The following ELOVL5 variants were observed in gnomAD, a reference collection of about 807,000 sequenced individuals.
The protein encoded by ELOVL5 is very long chain fatty acid elongase 5.
In ELOVL5, 8 loss-of-function variants were observed where a neutral mutation model predicts 38.6. The ratio of observed to expected loss-of-function variants is 0.21; its 90% confidence interval spans 0.12 to 0.37. The LOEUF is 0.37. ELOVL5 is among the 10% of genes least tolerant of loss of function. The pLI is 1.00. For missense variants in ELOVL5, 280 were observed against 367.8 expected (o/e 0.76, Z 1.95); for synonymous variants, 127 against 133.7 (o/e 0.95, Z 0.34).
intron 1 of ELOVL5, among the ~76,000 whole-genome samples, chr6:53,343,274 G>A (rs1249420155): frequency 6.6e-6 from 1 of 150,976 alleles, no homozygotes; most frequent in Non-Finnish European, 1.5e-5. Flanking sequence ...GTGCAGTGGT[G>A]TAATCACGGC....
chr6:53,314,839 T>G (rs1017253640), intron 1 of ELOVL5, among the ~76,000 whole-genome samples: 11 of 152,200 alleles, frequency 7.2e-5, no homozygotes, highest in Admixed American at 6.5e-4. Context: ...GTACATAATA[T>G]CCTACTTTGA....
chr6:53,301,848 A>G (rs1767266420), intron 1 of ELOVL5, among the ~76,000 whole-genome samples: 1 of 152,184 alleles, frequency 6.6e-6, no homozygotes, highest in Non-Finnish European at 1.5e-5. Context: ...ACTATATTAT[A>G]ATTGTGTCTC....
chr6:53,287,327 T>G (rs531016572), intron 3 of ELOVL5, among the ~76,000 whole-genome samples: 5 of 152,188 alleles, frequency 3.3e-5, no homozygotes, highest in Non-Finnish European at 7.4e-5. Context: ...AAAATGTGGT[T>G]CCGACATTTG....
intron 1 of ELOVL5, among the ~76,000 whole-genome samples, chr6:53,318,279 C>T (rs765056725): frequency 1.3e-5 from 2 of 152,146 alleles, no homozygotes; most frequent in African/African-American, 2.4e-5. Context: ...GCTGAATCCA[C>T]GTTAACCCTT....
At chr6:53,280,577 A>G (rs1409076948) in intron 3 of ELOVL5, among the ~76,000 whole-genome samples, 1 of 152,152 alleles carries the variant, frequency 6.6e-6, no homozygotes, top group Admixed American at 6.5e-5. Flanking sequence ...CTGGTTCTGG[A>G]TGACATAATT....
chr6:53,323,352 C>T (rs543463630), intron 1 of ELOVL5, among the ~76,000 whole-genome samples: 3 of 152,234 alleles, frequency 2.0e-5, no homozygotes, highest in South Asian at 2.1e-4. Context: ...TTATGTGACA[C>T]TTAATTTGGT....
In ELOVL5 at chr6:53,276,269, A is replaced by C. The variant is rs1356840141; in HGVS notation, c.247-13T>G. The stretch of plus-strand genomic sequence containing the variant: ...CTCCTGTTACTAACTAAAAAAGAAG[A>C]AAGAGCCAGTCACCAACAGCATCTG... On this transcript the variant is annotated splice_polypyrimidine_tract_variant and intron_variant, in intron 3 of 7. Transcript: ENST00000304434. 6.3e-7 allele frequency: 1 copy of C among 1,575,492 alleles called. No individual in the cohort carries two copies.
intron 1 of ELOVL5, among the ~76,000 whole-genome samples, chr6:53,343,249 G>C (rs1228882295): frequency 1.3e-5 from 2 of 148,248 alleles, no homozygotes; most frequent in African/African-American, 2.5e-5. Flanking sequence ...GTCTGGCTCT[G>C]TCACCCAGGC....
intron 2 of ELOVL5, 24 bp from the exon 3 acceptor site, chr6:53,291,987 G>C: frequency 7.2e-7 from 1 of 1,396,006 alleles, no homozygotes. Context: ...AAAAATTAAT[G>C]ATATATAAAA....
intron 1 of ELOVL5, among the ~76,000 whole-genome samples, chr6:53,315,852 A>C (rs1437412724): frequency 6.6e-6 from 1 of 152,234 alleles, no homozygotes; most frequent in African/African-American, 2.4e-5. Flanking sequence ...ATGAAGTGGC[A>C]GCAATAGGAC....
At chr6:53,348,643 C>T (rs9382201) in intron 1 of ELOVL5, among the ~76,000 whole-genome samples, 174 bp downstream of exon 1, 55,506 of 152,126 alleles carry the variant, frequency 0.36, 11,286 homozygotes, top group African/African-American at 0.56. Flanking sequence ...TACCCCGGAG[C>T]CGGCGGAGCT....
intron 1 of ELOVL5, among the ~76,000 whole-genome samples, chr6:53,301,158 A>G (rs144928171): frequency 9.8e-5 from 15 of 152,286 alleles, no homozygotes; most frequent in African/African-American, 3.6e-4. Context: ...TGGGAACGGC[A>G]TGACCTACTT....
chr6:53,270,200 A>G (rs2073040), intron 7 of ELOVL5, among the ~76,000 whole-genome samples: 67,731 of 152,162 alleles, frequency 0.45, 16,460 homozygotes, highest in African/African-American at 0.65. Flanking sequence ...ACAAAAAAGC[A>G]GATCTCCATA....
intron 6 of ELOVL5, among the ~76,000 whole-genome samples, chr6:53,272,851 T>C (rs959237977): frequency 1.3e-5 from 2 of 152,178 alleles, no homozygotes; most frequent in East Asian, 3.9e-4. Flanking sequence ...TCCAGCTCCT[T>C]CTAAAACCCC....
chr6:53,297,301 T>G (rs1561873332), intron 1 of ELOVL5, among the ~76,000 whole-genome samples: 1 of 152,226 alleles, frequency 6.6e-6, no homozygotes, highest in East Asian at 1.9e-4. Flanking sequence ...AGTCCCCTCT[T>G]AATCCACAGT....
chr6:53,320,608 C>A lies in ELOVL5; in HGVS notation c.-8-24901G>T, dbSNP rs866485738. ...AAAGTGCTGGGATTACAGGCGTGAG[C>A]CACCACACCCGGCCAAAACCCCACA... On this transcript the variant is annotated intron_variant, in intron 1 of 7. Transcript: ENST00000304434. 2.2e-4 allele frequency among the ~76,000 whole-genome samples: 33 copies of A among 151,990 alleles called. 1 individual carries two copies. The highest frequency in any genetic ancestry group is 6.0e-4 in the African/African-American group (25 of 41,412).
intron 4 of ELOVL5, 144 bp from the exon 5 acceptor site, chr6:53,275,405 G>T: frequency 1.3e-6 from 1 of 745,902 alleles, no homozygotes; most frequent in Non-Finnish European, 2.2e-6. Flanking sequence ...GTCCATCAGT[G>T]GCTGGGAGCT....
In ELOVL5 at chr6:53,269,077, T is replaced by A. The variant is rs756575743; in HGVS notation, c.*50A>T. 3 of 1,600,264 alleles carry A rather than the reference T, an allele frequency of 1.9e-6. No individual in the cohort carries two copies. In the South Asian group the frequency reaches 3.4e-5, roughly 18 times the overall value. ...AACGAGCATTGGGGCACAACTCATA[T>A]TGTGCTTACAATCAGATGACGTGGT... is the stretch of plus-strand genomic sequence containing the variant. On this transcript the variant is annotated 3_prime_UTR_variant, in exon 8 of 8. Transcript: ENST00000304434.
intron 1 of ELOVL5, among the ~76,000 whole-genome samples, chr6:53,327,280 A>T (rs1006222776): frequency 1.3e-5 from 2 of 152,012 alleles, no homozygotes; most frequent in Non-Finnish European, 1.5e-5. Context: ...CTGCTAGGTA[A>T]ATCCAACAAG....
Sources: gnomAD v4.1 joint callset for allele counts (sites outside exome capture counted in the v4.1 genomes callset) on GRCh38, gnomAD v4.1.1 for gene constraint, MANE v1.5 for transcripts, NCBI Gene and HGNC (gene_info 2026-07-23, HGNC 2026-07-21) for gene names.